The following PCMTD2 variants were observed in gnomAD, a reference collection of about 807,000 sequenced individuals.
The protein encoded by PCMTD2 is protein-L-isoaspartate O-methyltransferase domain-containing protein 2.
In PCMTD2, 16 loss-of-function variants were observed where a neutral mutation model predicts 33.4. The observed-to-expected ratio is 0.48, with a 90% CI of 0.32 to 0.73. The LOEUF is 0.73. Among genes scored for constraint, PCMTD2 ranks in the 30% least tolerant of loss-of-function variants. PCMTD2 has a pLI of 0.03. For synonymous variants in PCMTD2, 161 were observed against 160.8 expected, an observed-to-expected ratio of 1.00 and a Z score of -0.01; for missense variants, 374 against 449.9, an observed-to-expected ratio of 0.83 and a Z score of 1.53.
In PCMTD2 at chr20:64,266,249, ATATTTATT is replaced by A. The variant is rs375762835; in HGVS notation, c.582+839_582+846del. Among the ~76,000 whole-genome samples, 79 of 151,522 alleles carry A rather than the reference ATATTTATT, an allele frequency of 5.2e-4. 1 individual carries two copies. In the South Asian group the frequency reaches 0.01, roughly 19 times the overall value. ...ATGCCCAGATAAATTTATTTTTTAAATATTTATTTATTTATTTATTTATTTAGAGACAG... is the reference window on the plus strand; with the variant it reads ...ATGCCCAGATAAATTTATTTTTTAAATATTTATTTATTTATTTAGAGACAG... On this transcript the variant is annotated intron_variant, in intron 4 of 5. Coordinates refer to ENST00000308824, the MANE Select transcript of PCMTD2 (RefSeq NM_018257.3).
intron 2 of PCMTD2, among the ~76,000 whole-genome samples, chr20:64,264,129 G>A (rs902020403): frequency 2.0e-4 from 31 of 152,228 alleles, no homozygotes; most frequent in African/African-American, 6.8e-4. Context: ...TGGACAAACA[G>A]GTGAGGCCTG....
intron 3 of PCMTD2, among the ~76,000 whole-genome samples, chr20:64,264,951 T>C (rs1985594976): frequency 6.6e-6 from 1 of 152,222 alleles, no homozygotes; most frequent in South Asian, 2.1e-4. Flanking sequence ...GTAGTATTAA[T>C]AGATCTTACA....
At chr20:64,258,147 G>A (rs904041898) in intron 1 of PCMTD2, among the ~76,000 whole-genome samples, 1 of 152,158 alleles carries the variant, frequency 6.6e-6, no homozygotes, top group Admixed American at 6.5e-5. Context: ...GACTGAGGAC[G>A]GTATGCGATT....
chr20:64,263,571 G>T (rs181170938), intron 2 of PCMTD2, among the ~76,000 whole-genome samples: 1 of 152,142 alleles, frequency 6.6e-6, no homozygotes, highest in African/African-American at 2.4e-5. Flanking sequence ...AAAAGTTGAC[G>T]TGTAACTTAC....
chr20:64,268,859 A>G (rs1985767309), intron 5 of PCMTD2, among the ~76,000 whole-genome samples: 1 of 152,208 alleles, frequency 6.6e-6, no homozygotes, highest in African/African-American at 2.4e-5. Flanking sequence ...AGGTTCTAAG[A>G]ACTAGACACG....
In PCMTD2 at chr20:64,268,060, G is replaced by A. The variant is rs1389191867; in HGVS notation, c.706+50G>A. The A allele has an allele frequency of 5.0e-6, 7 of 1,392,208 alleles. No individual in the cohort carries two copies. In the East Asian group the frequency reaches 1.4e-4, roughly 28 times the overall value. 86.2% of individuals were successfully genotyped at this position (1,392,208 alleles called of 1,614,324 possible). On this transcript the variant is annotated intron_variant, in intron 5 of 5. Coordinates refer to ENST00000308824, the MANE Select transcript of PCMTD2 (RefSeq NM_018257.3). ...TTTATCTTTTAGATCTTTTCTCTCT[G>A]GTTAGATTTTAAAAGGAAACAAAAT...
At chr20:64,270,208 C>T (rs1432241524) in intron 5 of PCMTD2, among the ~76,000 whole-genome samples, 18 of 122,616 alleles carry the variant, frequency 1.5e-4, no homozygotes, top group Admixed American at 3.3e-4. Context: ...TGAGTGCGGG[C>T]GTGCGTGGTG....
At chr20:64,256,745 A>G (rs1235391391) in intron 1 of PCMTD2, 1 of 152,170 alleles carries the variant, frequency 6.6e-6, no homozygotes, top group Non-Finnish European at 1.5e-5. Context: ...CCCAGCTCGT[A>G]CCTCCAGTGG....
At chr20:64,256,641 T>C (rs1027355262) in intron 1 of PCMTD2, 7 of 152,170 alleles carry the variant, frequency 4.6e-5, no homozygotes, top group Admixed American at 2.6e-4. Context: ...TCAGAAATTG[T>C]TGTGGCCACG....
At chr20:64,273,163 G>GCCAACGCCTACACACTC (rs1985974652) in intron 5 of PCMTD2, 58 bp from the exon 6 acceptor site, 2 of 1,454,466 alleles carry the variant, frequency 1.4e-6, no homozygotes, top group Non-Finnish European at 1.9e-6. Context: ...AGGTGTGTAG[G>GCCAACGCCTACACACTC]CGTTGTGGTG....
At chr20:64,268,784 G>GT (rs1322711065) in intron 5 of PCMTD2, among the ~76,000 whole-genome samples, 1 of 151,948 alleles carries the variant, frequency 6.6e-6, no homozygotes, top group African/African-American at 2.4e-5. Flanking sequence ...TTCCAGAAAG[G>GT]TTTTTTGATT....
chr20:64,272,092 G>T (rs971172262), intron 5 of PCMTD2: 2 of 414,580 alleles, frequency 4.8e-6, no homozygotes, highest in Non-Finnish European at 9.7e-6. Flanking sequence ...CCTCTTGTCT[G>T]TGGAGTCAGA....
Position 64,265,326 on chromosome 20 carries a change from A to G in PCMTD2, c.479A>G (p.Tyr160Cys). The G allele has an allele frequency of 6.2e-7, 1 of 1,612,876 alleles. No homozygotes were observed. The highest frequency in any genetic ancestry group is 8.5e-7 in the Non-Finnish European group (1 of 1,179,684). Reference sequence around the variant, plus strand: ...GAGATTTCTCCGGATTGTTCTCAGTATGATCGTGTATACTGTGGGGCTGGC... The same window carrying G: ...GAGATTTCTCCGGATTGTTCTCAGTGTGATCGTGTATACTGTGGGGCTGGC... Reference protein sequence around the residue: ...CLEISPDCSQYDRVYCGAGVQ... With the variant: ...CLEISPDCSQCDRVYCGAGVQ... Residue 160 changes from tyrosine (Y) to cysteine (C), a missense_variant, in exon 4 of 6, where the codon TAT becomes TGT. Physicochemically the swap from Tyr to Cys is radical, Grantham distance 194. Transcript: ENST00000308824.
In PCMTD2 at chr20:64,256,399, C is replaced by A. The variant is rs190863604; in HGVS notation, c.-25+529C>A. ...AGGAGAACTTGCCTGAGCTTCGGGCCTTTGTTTTGTTTTTGTGAGAGGGAC... is the reference window on the plus strand; with the variant it reads ...AGGAGAACTTGCCTGAGCTTCGGGCATTTGTTTTGTTTTTGTGAGAGGGAC... On this transcript the variant is annotated intron_variant, in intron 1 of 5. Coordinates refer to ENST00000308824, the MANE Select transcript of PCMTD2 (RefSeq NM_018257.3). Among the ~76,000 whole-genome samples, 3 of 152,206 alleles carry A rather than the reference C, an allele frequency of 2.0e-5. No homozygotes were observed. In the East Asian group the frequency reaches 5.8e-4, roughly 29 times the overall value.
chr20:64,264,796 A>C lies in PCMTD2; in HGVS notation c.410+265A>C, dbSNP rs144292423. On this transcript the variant is annotated intron_variant, in intron 3 of 5. Coordinates refer to ENST00000308824, the MANE Select transcript of PCMTD2 (RefSeq NM_018257.3). The stretch of plus-strand genomic sequence containing the variant: ...CTGTTTACCACCTAGTTTTTCCTAA[A>C]ATAAAATTGTTGCATTTGTCTCTAA... Among the ~76,000 whole-genome samples, 70 of 152,348 alleles carry C rather than the reference A, an allele frequency of 4.6e-4. 1 individual carries two copies. The East Asian group carries it at 0.013, about 29-fold the overall frequency.
At chr20:64,258,203 A>T (rs1168539305) in intron 1 of PCMTD2, among the ~76,000 whole-genome samples, 3 of 152,186 alleles carry the variant, frequency 2.0e-5, no homozygotes, top group Non-Finnish European at 2.9e-5. Flanking sequence ...CAAACACATG[A>T]TTCCGCTTTT....
chr20:64,274,299 G>GTTTTTT lies in PCMTD2; in HGVS notation c.*711_*716dup, dbSNP rs58055216. On this transcript the variant is annotated 3_prime_UTR_variant, in exon 6 of 6. Coordinates refer to ENST00000308824, the MANE Select transcript of PCMTD2 (RefSeq NM_018257.3). ...GAATTCCGAGAGAATTCCAAAGAGG[G>GTTTTTT]TTTTTTTTTTTTTTTTTAGGACATC... The GTTTTTT allele has an allele frequency of 7.4e-6, 1 of 135,144 alleles. No homozygotes were observed. Among genetic ancestry groups the GTTTTTT allele is most frequent in the African/African-American group, 2.7e-5 (1 of 37,332 alleles). 8.4% of individuals were successfully genotyped at this position (135,144 alleles called of 1,614,324 possible).
At chr20:64,268,040 CTT>C (rs770089298) in intron 5 of PCMTD2, 30 bp downstream of exon 5, 1 of 1,516,188 alleles carries the variant, frequency 6.6e-7, no homozygotes, top group South Asian at 1.3e-5. Context: ...CTTATTTTAT[CTT>C]TTAGATCTTT....
At chr20:64,261,295 C>T (rs1985405751) in intron 2 of PCMTD2, among the ~76,000 whole-genome samples, 1 of 152,124 alleles carries the variant, frequency 6.6e-6, no homozygotes, top group East Asian at 1.9e-4. Flanking sequence ...GCTGCTGAGG[C>T]AAAGCTGGCT....
Sources: gnomAD v4.1 joint callset for allele counts (sites outside exome capture counted in the v4.1 genomes callset) on GRCh38, gnomAD v4.1.1 for gene constraint, MANE v1.5 for transcripts, NCBI Gene and HGNC (gene_info 2026-07-23, HGNC 2026-07-21) for gene names.